The following OPCML variants were observed in gnomAD, a reference collection of about 807,000 sequenced individuals.
OPCML encodes opioid binding protein/cell adhesion molecule like.
Under a neutral mutation model 37.8 loss-of-function variants are expected in OPCML, and 13 were observed. The observed-to-expected ratio is 0.34, with a 90% confidence interval of 0.22 to 0.55. The LOEUF is 0.55. OPCML is among the 20% of genes least tolerant of loss of function. The pLI is 0.91. For missense variants in OPCML, 341 were observed against 435.6 expected, an observed-to-expected ratio of 0.78 and a Z score of 1.93; for synonymous variants, 176 against 168.8, an observed-to-expected ratio of 1.04 and a Z score of -0.33.
chr11:132,548,286 G>T lies in OPCML; in HGVS notation c.380-19100C>A, dbSNP rs568888272. 2.6e-5 allele frequency among the ~76,000 whole-genome samples: 4 copies of T among 152,286 alleles called. No homozygotes were observed. In the South Asian group the frequency reaches 8.3e-4, roughly 32 times the overall value. On this transcript the variant is annotated intron_variant, in intron 3 of 7. Transcript: ENST00000524381. ...AGTAGGCTCTAAAGGAAGTAGGGCA[G>T]AAAGGAAAGTGGAAATTTTGAAGAA... is the stretch of plus-strand genomic sequence containing the variant.
chr11:132,751,640 C>G (rs919252122), intron 2 of OPCML, among the ~76,000 whole-genome samples: 11 of 152,116 alleles, frequency 7.2e-5, no homozygotes, highest in Admixed American at 5.2e-4. Context: ...CCCCATTTTC[C>G]AAATGAGGAA....
intron 2 of OPCML, among the ~76,000 whole-genome samples, chr11:132,820,506 G>C (rs538685860): frequency 2.0e-5 from 3 of 151,732 alleles, no homozygotes; most frequent in African/African-American, 7.3e-5. Context: ...TGGTGTGTGT[G>C]TATGTGTGTG....
At chr11:133,349,378 C>T (rs754530522) in intron 1 of OPCML, among the ~76,000 whole-genome samples, 1 of 152,164 alleles carries the variant, frequency 6.6e-6, no homozygotes, top group Admixed American at 6.5e-5. Flanking sequence ...TGCTCATTCT[C>T]ACCTCTTAAT....
intron 3 of OPCML, among the ~76,000 whole-genome samples, chr11:132,567,986 A>G (rs1401568239): frequency 6.6e-6 from 1 of 152,016 alleles, no homozygotes; most frequent in Non-Finnish European, 1.5e-5. Flanking sequence ...TCAGCAGCTA[A>G]TGTTGAAAAT....
chr11:132,640,303 A>AAT (rs1591658695), intron 3 of OPCML, among the ~76,000 whole-genome samples: 1 of 152,114 alleles, frequency 6.6e-6, no homozygotes, highest in East Asian at 1.9e-4. Context: ...GGAAGCAAAA[A>AAT]TTAGGAACCC....
chr11:132,790,075 G>A lies in OPCML; in HGVS notation c.147-132756C>T, dbSNP rs78079492. 4.1e-3 allele frequency among the ~76,000 whole-genome samples: 624 copies of A among 152,266 alleles called. 4 individuals are homozygous for A. Among genetic ancestry groups the A allele is most frequent in the African/African-American group, 0.014 (595 of 41,546 alleles). On this transcript the variant is annotated intron_variant, in intron 2 of 7. Coordinates refer to ENST00000524381, the MANE Select transcript of OPCML (RefSeq NM_001012393.5). ...AAAAATAGAACTACCATATTATCTA[G>A]CAATCCCATTACTGGATATTTATCC...
At chr11:132,537,177 C>A (rs1226770780) in intron 3 of OPCML, among the ~76,000 whole-genome samples, 2 of 152,164 alleles carry the variant, frequency 1.3e-5, no homozygotes, top group Non-Finnish European at 2.9e-5. Flanking sequence ...TACATTGCTT[C>A]CTTTAATTCC....
intron 1 of OPCML, among the ~76,000 whole-genome samples, chr11:133,492,278 G>A (rs548120579): frequency 6.8e-4 from 104 of 152,298 alleles, no homozygotes; most frequent in Non-Finnish European, 1.2e-3. Flanking sequence ...TCTGGGAGAG[G>A]ATCCATTTCA....
chr11:132,668,254 G>C (rs527431734), intron 2 of OPCML, among the ~76,000 whole-genome samples: 1 of 152,324 alleles, frequency 6.6e-6, no homozygotes, highest in African/African-American at 2.4e-5. Context: ...ACAATATCAA[G>C]AATGATGATG....
chr11:133,012,069 G>A (rs147961432), intron 1 of OPCML, among the ~76,000 whole-genome samples: 3 of 152,126 alleles, frequency 2.0e-5, no homozygotes, highest in Non-Finnish European at 4.4e-5. Context: ...GTTCTCTACT[G>A]GGGACAATTT....
At chr11:132,525,250 T>C (rs1395614156) in intron 4 of OPCML, among the ~76,000 whole-genome samples, 4 of 152,230 alleles carry the variant, frequency 2.6e-5, no homozygotes, top group African/African-American at 4.8e-5. Flanking sequence ...TTTTTACCTC[T>C]TTTCTGTAAT....
At chr11:132,884,226 G>T (rs1943325304) in intron 2 of OPCML, among the ~76,000 whole-genome samples, 1 of 152,200 alleles carries the variant, frequency 6.6e-6, no homozygotes, top group African/African-American at 2.4e-5. Flanking sequence ...CTGGGGTGGG[G>T]AGAAGAAAAG....
At chr11:132,751,359 T>C (rs73601329) in intron 2 of OPCML, among the ~76,000 whole-genome samples, 6,216 of 152,222 alleles carry the variant, frequency 0.041, 244 homozygotes, top group African/African-American at 0.11. Context: ...CCCAGATCCA[T>C]CTACAGCAGG....
At chr11:132,786,892 G>T (rs1487443961) in intron 2 of OPCML, among the ~76,000 whole-genome samples, 1 of 152,146 alleles carries the variant, frequency 6.6e-6, no homozygotes, top group Non-Finnish European at 1.5e-5. Flanking sequence ...CAGGAGGCTG[G>T]GTGGTGGGAT....
chr11:132,473,306 C>A (rs2096143893), intron 4 of OPCML, among the ~76,000 whole-genome samples: 1 of 152,228 alleles, frequency 6.6e-6, no homozygotes, highest in Admixed American at 6.5e-5. Flanking sequence ...AGCCCTCGAG[C>A]TACTGTGGAC....
intron 2 of OPCML, among the ~76,000 whole-genome samples, chr11:132,688,698 G>GAAAAGCTCCTTTTTGTGT (rs1453767271): frequency 1.0e-4 from 11 of 108,572 alleles, no homozygotes; most frequent in South Asian, 2.9e-4. Flanking sequence ...TATAAAAATA[G>GAAAAGCTCCTTTTTGTGT]ATTGGGAGGC....
chr11:132,479,623 C>G (rs968104198), intron 4 of OPCML, among the ~76,000 whole-genome samples: 13 of 152,344 alleles, frequency 8.5e-5, no homozygotes, highest in African/African-American at 3.1e-4. Flanking sequence ...TTAAATGTCC[C>G]TGTCTGACAG....
At chr11:132,467,888 G>A (rs1165559973) in intron 4 of OPCML, among the ~76,000 whole-genome samples, 3 of 152,156 alleles carry the variant, frequency 2.0e-5, no homozygotes, top group Non-Finnish European at 4.4e-5. Flanking sequence ...CAAAAGCCAG[G>A]AGAGCTGACA....
At position 132,944,163 on chromosome 11, in the gene OPCML, C is replaced by G. The variant is rs1027962773; in HGVS notation, c.62-1153G>C. ...CCAGCGGAGAGAACGCGGCGCCCCT[C>G]GCAGCGGCTTCCCCTACAGAGGGGC... On this transcript the variant is annotated intron_variant, in intron 1 of 7. Coordinates refer to ENST00000524381, the MANE Select transcript of OPCML (RefSeq NM_001012393.5). Among the ~76,000 whole-genome samples the G allele has an allele frequency of 4.6e-5, 7 of 151,834 alleles. No individual in the cohort carries two copies. The South Asian group carries it at 1.5e-3, about 32-fold the overall frequency.
Sources: gnomAD v4.1 joint callset for allele counts (sites outside exome capture counted in the v4.1 genomes callset) on GRCh38, gnomAD v4.1.1 for gene constraint, MANE v1.5 for transcripts, NCBI Gene and HGNC (gene_info 2026-07-23, HGNC 2026-07-21) for gene names.